RALGPS2: variants seen among roughly 807,000 people sequenced by gnomAD.
RALGPS2 encodes ras-specific guanine nucleotide-releasing factor RalGPS2.
Under a neutral mutation model 86.8 loss-of-function variants are expected in RALGPS2, and 43 were observed. The ratio of observed to expected loss-of-function variants is 0.50; its 90% CI spans 0.39 to 0.64. The LOEUF (loss-of-function observed/expected upper bound fraction) is 0.64, where lower values mean the gene tolerates loss of function less well. Ranked by LOEUF, RALGPS2 falls within the 30% of genes least tolerant of loss-of-function variation. RALGPS2 has a pLI of 0.00. For missense variants in RALGPS2, 536 were observed against 694.6 expected, an observed-to-expected ratio of 0.77 and a Z score of 2.57; for synonymous variants, 243 against 231.3, an observed-to-expected ratio of 1.05 and a Z score of -0.46.
At chr1:178,882,446 T>C (rs1473182118) in intron 10 of RALGPS2, among the ~76,000 whole-genome samples, 5 of 152,190 alleles carry the variant, frequency 3.3e-5, no homozygotes, top group Non-Finnish European at 7.3e-5. Flanking sequence ...AACATCTTCA[T>C]AAAAAGAAAA....
chr1:178,829,622 G>GA (rs1348192310), intron 7 of RALGPS2, among the ~76,000 whole-genome samples: 1 of 152,146 alleles, frequency 6.6e-6, no homozygotes, highest in Non-Finnish European at 1.5e-5. Flanking sequence ...AATGGAGAGA[G>GA]AATAAGTTCT....
chr1:178,732,719 A>T (rs904223717), intron 1 of RALGPS2, among the ~76,000 whole-genome samples: 18 of 151,714 alleles, frequency 1.2e-4, no homozygotes, highest in African/African-American at 4.4e-4. Flanking sequence ...GCTTTGTCAT[A>T]CTAGTTTTCT....
At chr1:178,865,723 A>G (rs1658361256) in intron 8 of RALGPS2, 1 of 1,613,382 alleles carries the variant, frequency 6.2e-7, no homozygotes, top group Non-Finnish European at 8.5e-7. Context: ...TGCAATGTCC[A>G]GTGTCCACTA....
intron 15 of RALGPS2, 90 bp downstream of exon 15, chr1:178,892,397 C>G: frequency 9.8e-7 from 1 of 1,023,878 alleles, no homozygotes; most frequent in Non-Finnish European, 1.5e-6. Context: ...TATTTCTTTT[C>G]TTTCTCAACT....
chr1:178,868,435 T>G (rs2102344985), intron 8 of RALGPS2, among the ~76,000 whole-genome samples: 1 of 152,056 alleles, frequency 6.6e-6, no homozygotes, highest in South Asian at 2.1e-4. Flanking sequence ...TTATTTTACT[T>G]AAATAATATT....
Position 178,809,924 on chromosome 1 carries a change from T to C in RALGPS2, c.298-1391T>C, listed in dbSNP as rs141986244. 7.4e-4 allele frequency among the ~76,000 whole-genome samples: 113 copies of C among 152,138 alleles called. 1 individual carries two copies. The highest frequency in any genetic ancestry group is 2.5e-3 in the African/African-American group (104 of 41,502). ...ATACGTCCTAACTTTTGATAGAGAG[T>C]GACAAAGAATGTATGCTTAAAATCA... On this transcript the variant is annotated intron_variant, in intron 5 of 19. Coordinates refer to ENST00000367635, the MANE Select transcript of RALGPS2 (RefSeq NM_152663.5).
Position 178,784,352 on chromosome 1 carries a change from A to G in RALGPS2, c.58-66A>G, listed in dbSNP as rs533712234. On this transcript the variant is annotated intron_variant, in intron 2 of 19. Transcript: ENST00000367635. ...TTTGTTTTCTCAGTTTTTAAGGCCA[A>G]TCTAGTTTCTATCACTTGATTGTGA... 106 of 1,295,766 alleles carry G rather than the reference A, an allele frequency of 8.2e-5. 1 individual carries two copies. The South Asian group carries it at 1.3e-3, about 16-fold the overall frequency. The allele number at this position is 1,295,766 out of a possible 1,614,324, so 80.3% of individuals were successfully genotyped here.
At position 178,839,817 on chromosome 1, in the gene RALGPS2, T is replaced by C. The variant is rs991110929; in HGVS notation, c.607+6267T>C. 3.2e-4 allele frequency among the ~76,000 whole-genome samples: 48 copies of C among 152,088 alleles called. 1 individual carries two copies. The highest frequency in any genetic ancestry group is 1.3e-4 in the Admixed American group (2 of 15,276). The stretch of plus-strand genomic sequence containing the variant: ...CTCAAAATAAAGGGATGGAGGAAGA[T>C]CTGCCAAGCAAATGGAAAACAAAAA... On this transcript the variant is annotated intron_variant, in intron 8 of 19. Transcript: ENST00000367635.
At chr1:178,853,980 T>C (rs191781239) in intron 8 of RALGPS2, among the ~76,000 whole-genome samples, 1 of 152,208 alleles carries the variant, frequency 6.6e-6, no homozygotes, top group East Asian at 1.9e-4. Context: ...TGTTTCGTTT[T>C]CATCTGTTCT....
chr1:178,750,070 C>T (rs12145717), intron 1 of RALGPS2, among the ~76,000 whole-genome samples: 6,123 of 152,222 alleles, frequency 0.04, 147 homozygotes, highest in Non-Finnish European at 0.057. Flanking sequence ...AGTATCACGC[C>T]ACTGTTCGCC....
In RALGPS2 at chr1:178,776,772, T is replaced by C. The variant is rs754899009; in HGVS notation, c.8T>C (p.Leu3Pro). 1.2e-6 allele frequency: 2 copies of C among 1,612,502 alleles called. No individual in the cohort carries two copies. The highest frequency in any genetic ancestry group is 1.1e-5 in the South Asian group (1 of 90,978). Residue 3 changes from leucine (L) to proline (P), a missense_variant, in exon 2 of 20, where the codon CTA (leucine) becomes CCA (proline). Coordinates refer to ENST00000367635, the MANE Select transcript of RALGPS2 (RefSeq NM_152663.5). ...GGGACTGATGAGGAAAGCATGGACC[T>C]AATGAACGGGCAGGCAAGCAGTGTC... MDLMNGQASSVNI... is the reference protein window; with the variant it reads MDPMNGQASSVNI...
chr1:178,877,634 TG>T lies in RALGPS2; in HGVS notation c.745+1del. ...CTGATTTACAGCAGTCTTGTGAATA[TG>T]GTAAGTTTCTAGGGGATAATGCCAA... is the stretch of plus-strand genomic sequence containing the variant. ...ISDLQQSCEY[D>X]IPMLPHVQKY... On this transcript the variant is annotated frameshift_variant and splice_region_variant, in exon 9 of 20. Coordinates refer to ENST00000367635, the MANE Select transcript of RALGPS2 (RefSeq NM_152663.5). LOFTEE classifies it high-confidence loss of function. 1 of 1,612,874 alleles carries T rather than the reference TG, an allele frequency of 6.2e-7. No individual in the cohort carries two copies. The highest frequency in any genetic ancestry group is 8.5e-7 in the Non-Finnish European group (1 of 1,179,206).
chr1:178,787,623 A>C (rs946976198), intron 4 of RALGPS2, among the ~76,000 whole-genome samples: 2 of 152,170 alleles, frequency 1.3e-5, no homozygotes, highest in Non-Finnish European at 2.9e-5. Flanking sequence ...TAGACTTCAC[A>C]TCTATGGGAA....
intron 2 of RALGPS2, among the ~76,000 whole-genome samples, chr1:178,779,530 T>G (rs1046398961): frequency 6.6e-6 from 1 of 152,220 alleles, no homozygotes; most frequent in Non-Finnish European, 1.5e-5. Flanking sequence ...AGATGATTTA[T>G]TTTTATCTCT....
intron 16 of RALGPS2, among the ~76,000 whole-genome samples, chr1:178,896,525 A>G (rs1474439174): frequency 2.1e-4 from 31 of 144,768 alleles, no homozygotes; most frequent in Non-Finnish European, 3.8e-4. Flanking sequence ...TGTGCAGGTT[A>G]GTTACATATG....
intron 4 of RALGPS2, among the ~76,000 whole-genome samples, chr1:178,806,405 G>C (rs1031173267): frequency 6.6e-6 from 1 of 152,028 alleles, no homozygotes; most frequent in Non-Finnish European, 1.5e-5. Context: ...CATATGTGCT[G>C]TTTTTTGTTG....
chr1:178,745,816 A>ATTC (rs1223468617), intron 1 of RALGPS2, among the ~76,000 whole-genome samples: 1 of 146,380 alleles, frequency 6.8e-6, no homozygotes, highest in Non-Finnish European at 1.5e-5. Context: ...AGAGAATTCA[A>ATTC]TTCTTCTTTT....
intron 1 of RALGPS2, among the ~76,000 whole-genome samples, chr1:178,765,854 C>G (rs1007137048): frequency 6.6e-6 from 1 of 152,226 alleles, no homozygotes; most frequent in Non-Finnish European, 1.5e-5. Flanking sequence ...GAGAAATAGG[C>G]TCTGTTCTGC....
At chr1:178,737,984 T>C (rs1484932782) in intron 1 of RALGPS2, among the ~76,000 whole-genome samples, 1 of 151,884 alleles carries the variant, frequency 6.6e-6, no homozygotes, top group Admixed American at 6.6e-5. Context: ...TCTACTTTGT[T>C]GCCTAGGCTT....
Sources: gnomAD v4.1 joint callset for allele counts (sites outside exome capture counted in the v4.1 genomes callset) on GRCh38, gnomAD v4.1.1 for gene constraint, MANE v1.5 for transcripts, NCBI Gene and HGNC (gene_info 2026-07-23, HGNC 2026-07-21) for gene names.